Variants in CLPTM1 observed in about 807,000 individuals in gnomAD.
CLPTM1 encodes CLPTM1 regulator of GABA type A receptor forward trafficking.
In CLPTM1, 21 loss-of-function variants were observed where a neutral mutation model predicts 77.3. The ratio of observed to expected loss-of-function variants is 0.27; its 90% confidence interval spans 0.19 to 0.39. The LOEUF is 0.39. Ranked by LOEUF, CLPTM1 falls within the 10% of genes least tolerant of loss-of-function variation. The pLI is 1.00. For synonymous variants in CLPTM1, 373 were observed against 381.0 expected (o/e 0.98, Z 0.24); for missense variants, 642 against 921.2 (o/e 0.70, Z 3.92).
chr19:44,990,721 A>G lies in CLPTM1; in HGVS notation c.1324-129A>G, dbSNP rs1971058995. 1.5e-6 allele frequency: 2 copies of G among 1,325,646 alleles called. No individual in the cohort carries two copies. Among genetic ancestry groups the G allele is most frequent in the South Asian group, 2.5e-5 (2 of 79,388 alleles). The allele number at this position is 1,325,646 out of a possible 1,614,324, so 82.1% of individuals were successfully genotyped here. ...CTCCCAGGACTGAGGGGATTTTCTC[A>G]CCAGGGGATTTTTTGGGTCACACAT... On this transcript the variant is annotated intron_variant, in intron 10 of 13. Coordinates refer to ENST00000337392, the MANE Select transcript of CLPTM1 (RefSeq NM_001294.4). The surrounding 1 kb of genome is among the most constrained non-coding windows in gnomAD (Gnocchi z 4.8).
intron 5 of CLPTM1, among the ~76,000 whole-genome samples, chr19:44,980,747 G>T (rs1970882471): frequency 6.6e-6 from 1 of 151,756 alleles, no homozygotes; most frequent in Admixed American, 6.6e-5. Flanking sequence ...GAGCCCAGGA[G>T]TTTGAGGCCA....
intron 6 of CLPTM1, 31 bp downstream of exon 6, chr19:44,985,334 G>A (rs1970961251): frequency 6.8e-7 from 1 of 1,474,456 alleles, no homozygotes; most frequent in Non-Finnish European, 9.5e-7. Flanking sequence ...GGGCCTATAG[G>A]GACCAAGCCA....
intron 8 of CLPTM1, 36 bp downstream of exon 8, chr19:44,987,459 C>T (rs1400863716): frequency 3.1e-6 from 5 of 1,606,542 alleles, no homozygotes; most frequent in Non-Finnish European, 4.2e-6. Context: ...CTTCCCGGTG[C>T]CTTCCTGGGC....
At chr19:44,967,095 G>C (rs1970644531) in intron 2 of CLPTM1, among the ~76,000 whole-genome samples, 3 of 152,004 alleles carry the variant, frequency 2.0e-5, no homozygotes, top group Admixed American at 2.0e-4. Flanking sequence ...CGCACCTCGG[G>C]CTCCCAAAGT....
intron 5 of CLPTM1, among the ~76,000 whole-genome samples, chr19:44,981,798 C>G (rs1970901430): frequency 6.6e-6 from 1 of 151,698 alleles, no homozygotes. Flanking sequence ...GTAATCCCAG[C>G]TACTCGGGAG....
chr19:44,961,612 C>T (rs372950184), intron 1 of CLPTM1, among the ~76,000 whole-genome samples: 13 of 152,236 alleles, frequency 8.5e-5, no homozygotes, highest in Non-Finnish European at 1.3e-4. Context: ...GAAGTTGCCC[C>T]GAACCCTAGA....
chr19:44,971,386 T>G (rs1198455874), intron 2 of CLPTM1, among the ~76,000 whole-genome samples: 1 of 152,180 alleles, frequency 6.6e-6, no homozygotes, highest in African/African-American at 2.4e-5. Context: ...CTTTTCCAAT[T>G]TTTTCCAGTG....
Position 44,991,381 on chromosome 19 carries a change from G to C in CLPTM1, c.1555+8G>C. Reference sequence around the variant, plus strand: ...GCTTCCTGCTGACCTTCGGTGAGCGGTCCGGCCGCCCCAGGAGAGAGCAGG... The same window carrying C: ...GCTTCCTGCTGACCTTCGGTGAGCGCTCCGGCCGCCCCAGGAGAGAGCAGG... On this transcript the variant is annotated splice_region_variant and intron_variant, in intron 12 of 13. Coordinates refer to ENST00000337392, the MANE Select transcript of CLPTM1 (RefSeq NM_001294.4). The surrounding 1 kb of genome is among the most constrained non-coding windows in gnomAD (Gnocchi z 5.4). 6.2e-7 allele frequency: 1 copy of C among 1,610,066 alleles called. No individual in the cohort carries two copies. Among genetic ancestry groups the C allele is most frequent in the Non-Finnish European group, 8.5e-7 (1 of 1,179,768 alleles).
rs1013693050 is a variant in CLPTM1, at chr19:44,987,816, C to T, written c.1039-264C>T. 14 of 575,778 alleles carry T rather than the reference C, an allele frequency of 2.4e-5. No individual in the cohort carries two copies. The Middle Eastern group carries it at 1.4e-3, about 58-fold the overall frequency. 35.7% of individuals were successfully genotyped at this position (575,778 alleles called of 1,614,324 possible). A position where few individuals can be genotyped will look rare whatever the true frequency, so the allele number is the denominator to read the frequency against. On this transcript the variant is annotated intron_variant, in intron 8 of 13. Transcript: ENST00000337392. ...CTGTCGTCACTGTTGGGTCTCTGCTCCTGGCTCCCAGTGTCCCTTCACCCA... is the reference window on the plus strand; with the variant it reads ...CTGTCGTCACTGTTGGGTCTCTGCTTCTGGCTCCCAGTGTCCCTTCACCCA...
intron 5 of CLPTM1, among the ~76,000 whole-genome samples, chr19:44,984,788 G>A (rs1329866718): frequency 6.6e-6 from 1 of 152,178 alleles, no homozygotes; most frequent in Admixed American, 6.5e-5. Context: ...CCTAGTTCAA[G>A]CGATTCTCCT....
In CLPTM1 at chr19:44,990,743, A is replaced by C. The variant is rs1971059419; in HGVS notation, c.1324-107A>C. The C allele has an allele frequency of 3.8e-6, 5 of 1,322,310 alleles. No individual in the cohort carries two copies. Among genetic ancestry groups the C allele is most frequent in the Non-Finnish European group, 5.4e-6 (5 of 934,186 alleles). The allele number at this position is 1,322,310 out of a possible 1,614,324, so 81.9% of individuals were successfully genotyped here. ...CTCACCAGGGGATTTTTTGGGTCAC[A>C]CATGGGGCAGGGGAACTGGGAACGG... On this transcript the variant is annotated intron_variant, in intron 10 of 13. Coordinates refer to ENST00000337392, the MANE Select transcript of CLPTM1 (RefSeq NM_001294.4). This position sits in a 1 kb window ranked among gnomAD's most constrained non-coding sequence, Gnocchi z 4.8.
rs191889361 is a variant in CLPTM1, at chr19:44,980,363, G to T, written c.586+2903G>T. On this transcript the variant is annotated intron_variant, in intron 5 of 13. Transcript: ENST00000337392. ...GTCTCTACTAAAAATACAAAACTTAGCTGGGCATGGTGGCACATGCCTGTA... is the reference window on the plus strand; with the variant it reads ...GTCTCTACTAAAAATACAAAACTTATCTGGGCATGGTGGCACATGCCTGTA... 2.6e-3 allele frequency among the ~76,000 whole-genome samples: 398 copies of T among 152,144 alleles called. 2 individuals carry two copies. The highest frequency in any genetic ancestry group is 9.0e-3 in the African/African-American group (375 of 41,520).
Position 44,976,402 on chromosome 19 carries a change from C to T in CLPTM1, c.469-941C>T, listed in dbSNP as rs574418572. Among the ~76,000 whole-genome samples the T allele has an allele frequency of 4.5e-3, 679 of 152,302 alleles. 6 individuals carry two copies. The highest frequency in any genetic ancestry group is 0.015 in the African/African-American group (643 of 41,564). Reference sequence around the variant, plus strand: ...CAGGAGGCTGAGGTGGGAGAATGGCCAGAGCCCAGGAGTTTAAGACTGTAG... The same window carrying T: ...CAGGAGGCTGAGGTGGGAGAATGGCTAGAGCCCAGGAGTTTAAGACTGTAG... On this transcript the variant is annotated intron_variant, in intron 4 of 13. Transcript: ENST00000337392.
chr19:44,964,379 C>T (rs893919382), intron 2 of CLPTM1, among the ~76,000 whole-genome samples: 2 of 126,192 alleles, frequency 1.6e-5, no homozygotes, highest in South Asian at 2.8e-4. Flanking sequence ...AGTGCAATCT[C>T]GGCTCACTGC....
chr19:44,972,935 C>A (rs1970744780), intron 2 of CLPTM1, 152 bp from the exon 3 acceptor site: 3 of 1,050,386 alleles, frequency 2.9e-6, no homozygotes, highest in African/African-American at 1.6e-5. Context: ...TATCTCCTTG[C>A]CAGCCCTGTG....
Position 44,988,094 on chromosome 19 carries a change from G to A in CLPTM1, c.1053G>A (p.Glu351=), listed in dbSNP as rs754287778. The A allele has an allele frequency of 3.1e-6, 5 of 1,614,012 alleles. No homozygotes were observed. Among genetic ancestry groups the A allele is most frequent in the Non-Finnish European group, 3.4e-6 (4 of 1,179,872 alleles). Residue 351 remains glutamate, a synonymous_variant, in exon 9 of 14, where the codon GAG becomes GAA. Transcript: ENST00000337392. Reference sequence around the variant, plus strand: ...GTCCCCTGCAGGTGGCCCTGCTGGAGACCAACCCCTACCTGCTGGCGCTCA... The same window carrying A: ...GTCCCCTGCAGGTGGCCCTGCTGGAAACCAACCCCTACCTGCTGGCGCTCA... ...EQDSVKVALL[E]TNPYLLALTI... is the part of the protein sequence containing the mutation.
chr19:44,978,872 G>A (rs1405823237), intron 5 of CLPTM1, among the ~76,000 whole-genome samples: 1 of 152,070 alleles, frequency 6.6e-6, no homozygotes, highest in East Asian at 1.9e-4. Context: ...GGCTGAGGTG[G>A]GAGAATCAGC....
chr19:44,982,384 A>G (rs1342193587), intron 5 of CLPTM1, among the ~76,000 whole-genome samples: 1 of 151,282 alleles, frequency 6.6e-6, no homozygotes, highest in Non-Finnish European at 1.5e-5. Flanking sequence ...GTTTTATATC[A>G]TAGCACTTCT....
At chr19:44,985,996 ATC>A in intron 6 of CLPTM1, among the ~76,000 whole-genome samples, 1 of 152,144 alleles carries the variant, frequency 6.6e-6, no homozygotes, top group East Asian at 1.9e-4. Context: ...GGGTGGCGGA[ATC>A]TCTAAGCCTA....
Sources: allele counts gnomAD v4.1 joint callset (sites outside exome capture counted in the v4.1 genomes callset), GRCh38; gene constraint gnomAD v4.1.1; non-coding constraint Gnocchi (gnomAD v3.1); transcripts MANE v1.5; gene names NCBI Gene and HGNC (gene_info 2026-07-23, HGNC 2026-07-21).